Variants in ZNF638 observed in about 807,000 individuals in gnomAD.
ZNF638 encodes zinc finger protein 638.
Under a neutral mutation model 195.6 loss-of-function variants are expected in ZNF638, and 46 were observed. That is an observed-to-expected ratio of 0.24 (90% CI 0.19 to 0.30). The LOEUF (loss-of-function observed/expected upper bound fraction) is 0.30, where lower values mean the gene tolerates loss of function less well. Among genes scored for constraint, ZNF638 ranks in the 10% least tolerant of loss-of-function variants. The pLI is 1.00. For synonymous variants in ZNF638, 845 were observed against 772.0 expected (o/e 1.09, Z -1.57); for missense variants, 2,440 against 2,325.3 (o/e 1.05, Z -1.01).
At chr2:71,377,354 A>T (rs532351467) in intron 8 of ZNF638, among the ~76,000 whole-genome samples, 31 of 152,270 alleles carry the variant, frequency 2.0e-4, no homozygotes, top group African/African-American at 7.0e-4. Flanking sequence ...CAAAAAAAAC[A>T]ATTTTTAAAA....
chr2:71,403,743 C>T, intron 16 of ZNF638, 127 bp from the exon 17 acceptor site: 1 of 591,874 alleles, frequency 1.7e-6, no homozygotes, highest in Non-Finnish European at 2.7e-6. Context: ...ATTTTTTTAT[C>T]TTTAAAATAT....
chr2:71,383,245 G>A (rs1397586284), intron 10 of ZNF638, among the ~76,000 whole-genome samples: 1 of 152,148 alleles, frequency 6.6e-6, no homozygotes, highest in East Asian at 1.9e-4. Context: ...AACCTGGGAG[G>A]CAGAGGTTGC....
intron 4 of ZNF638, among the ~76,000 whole-genome samples, chr2:71,363,664 A>C (rs559248090): frequency 6.6e-6 from 1 of 152,330 alleles, no homozygotes; most frequent in Non-Finnish European, 1.5e-5. Context: ...ACATAATTGG[A>C]ATAATGTTGG....
At chr2:71,397,480 T>G (rs1255342871) in intron 11 of ZNF638, among the ~76,000 whole-genome samples, 2 of 152,224 alleles carry the variant, frequency 1.3e-5, no homozygotes, top group Admixed American at 6.5e-5. Flanking sequence ...TTGATTTTTT[T>G]AGATGTCAAT....
At chr2:71,353,210 A>G (rs759337282) in intron 2 of ZNF638, among the ~76,000 whole-genome samples, 3 of 152,232 alleles carry the variant, frequency 2.0e-5, no homozygotes, top group Non-Finnish European at 4.4e-5. Flanking sequence ...TTGAAACTAT[A>G]GCTGTGAAGA....
chr2:71,397,549 G>A (rs550222316), intron 11 of ZNF638, among the ~76,000 whole-genome samples: 2 of 152,134 alleles, frequency 1.3e-5, no homozygotes, highest in Non-Finnish European at 2.9e-5. Context: ...TTCCTGTTAG[G>A]TAATTTTGGC....
At chr2:71,342,152 T>A in intron 1 of ZNF638, among the ~76,000 whole-genome samples, 1 of 133,766 alleles carries the variant, frequency 7.5e-6, no homozygotes, top group East Asian at 2.1e-4. Context: ...ACCCAGGAGG[T>A]GGAGGTTTCA....
chr2:71,430,229 C>T (rs1223818721), intron 25 of ZNF638, among the ~76,000 whole-genome samples: 1 of 151,654 alleles, frequency 6.6e-6, no homozygotes, highest in Admixed American at 6.6e-5. Flanking sequence ...ATGTTATATA[C>T]TATTAAGATA....
rs147367833 is a variant in ZNF638 at position 71,350,083 on chromosome 2, G to T, written c.1129G>T (p.Ala377Ser). 1 of 1,614,118 alleles carries T rather than the reference G, an allele frequency of 6.2e-7. No homozygotes were observed. The highest frequency in any genetic ancestry group is 1.1e-5 in the South Asian group (1 of 91,086). The change falls in exon 2 of 28, where the codon GCT becomes TCT. Residue 377 changes from alanine to serine, a missense_variant. Around this residue, in one of 5 missense-constraint regions of ZNF638, gnomAD observed 305 missense variants for 283.6 expected, o/e 1.08. Transcript: ENST00000264447. Reference protein sequence around the residue: ...RGSKKNYQSQADIPIRSPFGI... With the variant: ...RGSKKNYQSQSDIPIRSPFGI... ...AAGTAAAAAGAATTACCAGTCACAG[G>T]CTGACATTCCCATTCGGTCTCCCTT...
chr2:71,405,734 A>C, intron 18 of ZNF638, 92 bp downstream of exon 18: 2 of 934,340 alleles, frequency 2.1e-6, no homozygotes, highest in Non-Finnish European at 1.6e-6. Flanking sequence ...AAACCTTAGA[A>C]CTAATTTTAA....
intron 20 of ZNF638, among the ~76,000 whole-genome samples, chr2:71,410,418 CCAGG>C (rs1170313533): frequency 1.3e-5 from 2 of 150,374 alleles, no homozygotes; most frequent in Admixed American, 6.6e-5. Context: ...ATTGTGTTGC[CCAGG>C]CTGGTCTCAA....
chr2:71,411,067 G>A (rs947739292), intron 20 of ZNF638, among the ~76,000 whole-genome samples: 7 of 140,982 alleles, frequency 5.0e-5, no homozygotes, highest in South Asian at 2.2e-4. Flanking sequence ...GCGTGACCTC[G>A]GCTCACTGCA....
At chr2:71,429,809 C>T (rs1002562836) in intron 25 of ZNF638, among the ~76,000 whole-genome samples, 1 of 152,066 alleles carries the variant, frequency 6.6e-6, no homozygotes, top group African/African-American at 2.4e-5. Flanking sequence ...TTGACTTTTC[C>T]ACATGATTGG....
chr2:71,345,269 C>T (rs1429343869), intron 1 of ZNF638, among the ~76,000 whole-genome samples: 1 of 152,122 alleles, frequency 6.6e-6, no homozygotes, highest in Non-Finnish European at 1.5e-5. Flanking sequence ...AGAATGCATC[C>T]ACCTCAGAGA....
chr2:71,409,096 C>G (rs1405509343), intron 20 of ZNF638, among the ~76,000 whole-genome samples: 1 of 152,056 alleles, frequency 6.6e-6, no homozygotes, highest in African/African-American at 2.4e-5. Context: ...GTACAGAAAT[C>G]CTTATCCCAG....
intron 3 of ZNF638, among the ~76,000 whole-genome samples, chr2:71,356,780 CAAAA>C (rs368403112): frequency 7.0e-6 from 1 of 143,350 alleles, no homozygotes; most frequent in Non-Finnish European, 1.5e-5. Context: ...CAGCCTGTTT[CAAAA>C]AAAAAAAAAA....
chr2:71,354,951 T>A (rs2078999933), intron 2 of ZNF638, among the ~76,000 whole-genome samples: 1 of 151,956 alleles, frequency 6.6e-6, no homozygotes, highest in Non-Finnish European at 1.5e-5. Flanking sequence ...CAGGTAGCAT[T>A]TTTATTTTAT....
chr2:71,331,995 C>A, intron 1 of ZNF638, 120 bp downstream of exon 1: 7 of 863,646 alleles, frequency 8.1e-6, no homozygotes, highest in Non-Finnish European at 8.4e-6. Flanking sequence ...AGCGGCTCCG[C>A]ACAAAATGGC....
At chr2:71,345,187 A>C (rs2078830115) in intron 1 of ZNF638, among the ~76,000 whole-genome samples, 2 of 152,182 alleles carry the variant, frequency 1.3e-5, no homozygotes, top group African/African-American at 4.8e-5. Context: ...ACAGGTATGG[A>C]TATATAGGAA....
Sources: gnomAD v4.1 joint callset for allele counts (sites outside exome capture counted in the v4.1 genomes callset) on GRCh38, gnomAD v4.1.1 for gene constraint, gnomAD v4.1.1 regional missense constraint, MANE v1.5 for transcripts, NCBI Gene and HGNC (gene_info 2026-07-23, HGNC 2026-07-21) for gene names.